The following TNRC6A variants were observed in gnomAD, a reference collection of about 807,000 sequenced individuals.
The protein encoded by TNRC6A is trinucleotide repeat containing adaptor 6A.
A neutral mutation model predicts 221.2 loss-of-function variants in TNRC6A; 44 were observed. The ratio of observed to expected loss-of-function variants is 0.20; its 90% CI spans 0.16 to 0.26. The LOEUF is 0.26. Ranked by LOEUF, TNRC6A falls within the 10% of genes least tolerant of loss-of-function variation. TNRC6A has a pLI of 1.00. For missense variants in TNRC6A, 2,199 were observed against 2,404.4 expected (o/e 0.91, Z 1.79); for synonymous variants, 847 against 838.5 (o/e 1.01, Z -0.18).
chr16:24,781,043 CTTTTTTTTTT>C lies in TNRC6A; in HGVS notation c.589+3701_589+3710del, dbSNP rs35502747. 6.0e-4 allele frequency among the ~76,000 whole-genome samples: 32 copies of C among 53,432 alleles called. No homozygotes were observed. In the South Asian group the frequency reaches 8.3e-3, roughly 14 times the overall value. The allele number at this position is 53,432 out of a possible 152,430, so 35.1% of individuals were successfully genotyped here. ...AAAAATTTTCTTAAGCCTCCATACT[CTTTTTTTTTT>C]TTTTTTTTTTTTTTTGGAGGAGACA... On this transcript the variant is annotated intron_variant, in intron 5 of 24. Transcript: ENST00000395799.
At position 24,824,804 on chromosome 16, in the gene TNRC6A, G is replaced by A. The variant is rs571483770; in HGVS notation, c.*997G>A. 6.7e-6 allele frequency: 1 copy of A among 149,846 alleles called. No homozygotes were observed. The highest frequency in any genetic ancestry group is 2.5e-5 in the African/African-American group (1 of 40,714). 9.3% of individuals were successfully genotyped at this position (149,846 alleles called of 1,614,324 possible). A position where few individuals can be genotyped will look rare whatever the true frequency, so the allele number is the denominator to read the frequency against. On this transcript the variant is annotated 3_prime_UTR_variant, in exon 25 of 25. Coordinates refer to ENST00000395799, the MANE Select transcript of TNRC6A (RefSeq NM_014494.4). ...AAAAAAAATTCCTTGTAGTTTCTTA[G>A]AGGAAAAAAAGAAAAACCCCAACTT... is the stretch of plus-strand genomic sequence containing the variant.
Position 24,815,804 on chromosome 16 carries a change from A to G in TNRC6A, c.4831+499A>G, listed in dbSNP as rs9936281. ...GGAGGCAGAGCTTGCAGTGAGCCGA[A>G]ATTGCGCCACTGCACTCCAGCCTGG... is the stretch of plus-strand genomic sequence containing the variant. On this transcript the variant is annotated intron_variant, in intron 19 of 24. Coordinates refer to ENST00000395799, the MANE Select transcript of TNRC6A (RefSeq NM_014494.4). The G allele has an allele frequency of 4.6e-3, 765 of 165,272 alleles. 36 individuals carry two copies. In the East Asian group the frequency reaches 0.11, roughly 23 times the overall value. 10.2% of individuals were successfully genotyped at this position (165,272 alleles called of 1,614,324 possible). A position where few individuals can be genotyped will look rare whatever the true frequency, so the allele number is the denominator to read the frequency against.
At chr16:24,654,704 G>A (rs1361946302) in intron 2 of TNRC6A, among the ~76,000 whole-genome samples, 1 of 151,642 alleles carries the variant, frequency 6.6e-6, no homozygotes, top group Non-Finnish European at 1.5e-5. Flanking sequence ...GGGTGACAGA[G>A]TGAGACTTCT....
intron 18 of TNRC6A, among the ~76,000 whole-genome samples, chr16:24,809,762 T>A (rs1356870430): frequency 6.6e-6 from 1 of 152,224 alleles, no homozygotes; most frequent in Non-Finnish European, 1.5e-5. Flanking sequence ...AGTGATTTTA[T>A]TCTTATATTA....
chr16:24,813,047 TTGTA>T (rs2152054379), intron 18 of TNRC6A, among the ~76,000 whole-genome samples: 1 of 152,062 alleles, frequency 6.6e-6, no homozygotes, highest in South Asian at 2.1e-4. Flanking sequence ...GGCTAGTTTT[TTGTA>T]TTTTTATTAG....
At chr16:24,800,369 A>G (rs568566524) in intron 11 of TNRC6A, among the ~76,000 whole-genome samples, 1 of 152,290 alleles carries the variant, frequency 6.6e-6, no homozygotes, top group African/African-American at 2.4e-5. Context: ...TAGTAAGCCT[A>G]TTAATTTGGT....
rs951287155 is a variant in TNRC6A, at chr16:24,696,231, C to T, written n.403-54495C>T. On this transcript the variant is annotated intron_variant and non_coding_transcript_variant, in intron 2 of 2. Coordinates refer to the TNRC6A transcript ENST00000566108. ...GGCGTGGTGGCGGGCGCCTGTAGTC[C>T]CAGCTACTCGGGAGGCTGAGGCAGG... Among the ~76,000 whole-genome samples, 3 of 151,722 alleles carry T rather than the reference C, an allele frequency of 2.0e-5. No individual in the cohort carries two copies. In the East Asian group the frequency reaches 5.9e-4, roughly 30 times the overall value.
chr16:24,776,910 C>A, intron 4 of TNRC6A, 23 bp from the exon 5 acceptor site: 1 of 1,595,034 alleles, frequency 6.3e-7, no homozygotes, highest in Non-Finnish European at 8.6e-7. Flanking sequence ...TCTTTTCCAC[C>A]CCTTTTCTTT....
intron 4 of TNRC6A, among the ~76,000 whole-genome samples, chr16:24,771,243 A>G (rs1249818613): frequency 6.6e-6 from 1 of 152,260 alleles, no homozygotes; most frequent in Non-Finnish European, 1.5e-5. Context: ...TACAACACAC[A>G]TAAACGAAAC....
At position 24,791,734 on chromosome 16, in the gene TNRC6A, G is replaced by T. The variant is rs1369450894; in HGVS notation, c.3092G>T (p.Ser1031Ile). ...MWNKNVPNGN[S>I]RSDQQAQVHQ... is the part of the protein sequence containing the mutation. ...AACAAAAACGTCCCAAATGGCAACA[G>T]CCGTTCAGACCAGCAAGCACAGGTA... The change falls in exon 6 of 25, where the codon AGC (serine) becomes ATC (isoleucine). Residue 1031 changes from serine (S) to isoleucine (I), a missense_variant. Physicochemically the swap from Ser to Ile is moderately radical, Grantham distance 142. Transcript: ENST00000395799. 6.2e-7 allele frequency: 1 copy of T among 1,613,222 alleles called. No individual in the cohort carries two copies. Among genetic ancestry groups the T allele is most frequent in the South Asian group, 1.1e-5 (1 of 90,848 alleles).
At chr16:24,679,637 T>A (rs1176226116) in intron 2 of TNRC6A, among the ~76,000 whole-genome samples, 1 of 152,004 alleles carries the variant, frequency 6.6e-6, no homozygotes, top group Non-Finnish European at 1.5e-5. Context: ...CTGCCACATC[T>A]GGCTAATTTT....
At chr16:24,624,128 C>T (rs1900833305) in intron 1 of TNRC6A, among the ~76,000 whole-genome samples, 1 of 152,106 alleles carries the variant, frequency 6.6e-6, no homozygotes, top group East Asian at 1.9e-4. Context: ...TGGGACAACT[C>T]GGGGTAAGTC....
intron 2 of TNRC6A, among the ~76,000 whole-genome samples, chr16:24,716,209 C>T (rs184842029): frequency 6.6e-6 from 1 of 152,232 alleles, no homozygotes; most frequent in Admixed American, 6.5e-5. Flanking sequence ...CATTTCTTTC[C>T]CATCTCTTGG....
In TNRC6A at chr16:24,789,506, A is replaced by T. The variant is rs1567476008; in HGVS notation, c.864A>T (p.Gly288=). ...GEKDGLRNST[G]LGSQNKFVVG... ...AAGATGGCCTTCGGAATAGCACTGG[A>T]CTTGGTTCCCAAAACAAGTTTGTAG... is the stretch of plus-strand genomic sequence containing the variant. The change falls in exon 6 of 25, where the codon GGA becomes GGT. Residue 288 remains glycine, a synonymous_variant. Coordinates refer to ENST00000395799, the MANE Select transcript of TNRC6A (RefSeq NM_014494.4). 3.7e-6 allele frequency: 6 copies of T among 1,614,200 alleles called. No individual in the cohort carries two copies. Among genetic ancestry groups the T allele is most frequent in the Non-Finnish European group, 5.1e-6 (6 of 1,180,040 alleles).
chr16:24,675,704 A>G (rs11074646), intron 2 of TNRC6A, among the ~76,000 whole-genome samples: 5 of 32,354 alleles, frequency 1.5e-4, no homozygotes, highest in African/African-American at 6.7e-4. Context: ...CTCTCTCTCT[A>G]TATATATATA....
rs2058632323 is a variant in TNRC6A, at chr16:24,815,250, T to C, written c.4776T>C (p.Asp1592=). ...CCAGTCCTCCAGGTTCAATAGGAGATGGCTGGCCACGTGCCAAATCGCCTA... is the reference window on the plus strand; with the variant it reads ...CCAGTCCTCCAGGTTCAATAGGAGACGGCTGGCCACGTGCCAAATCGCCTA... ...SPASPPGSIG[D]GWPRAKSPNG... The change falls in exon 19 of 25, where the codon GAT becomes GAC. Residue 1592 remains aspartate, a synonymous_variant. Transcript: ENST00000395799. The C allele has an allele frequency of 6.2e-7, 1 of 1,614,140 alleles. No homozygotes were observed. The highest frequency in any genetic ancestry group is 2.2e-5 in the East Asian group (1 of 44,896).
At chr16:24,668,047 G>T (rs1197006327) in intron 2 of TNRC6A, among the ~76,000 whole-genome samples, 1 of 151,844 alleles carries the variant, frequency 6.6e-6, no homozygotes, top group Non-Finnish European at 1.5e-5. Flanking sequence ...ATATATATAG[G>T]CTGGGTATGG....
At chr16:24,810,024 G>C (rs1285519556) in intron 18 of TNRC6A, among the ~76,000 whole-genome samples, 1 of 152,166 alleles carries the variant, frequency 6.6e-6, no homozygotes, top group East Asian at 1.9e-4. Context: ...TGCTGGCCAG[G>C]CTGGTCTCAA....
chr16:24,780,646 A>C (rs1294276251), intron 5 of TNRC6A, among the ~76,000 whole-genome samples: 1 of 152,218 alleles, frequency 6.6e-6, no homozygotes, highest in Admixed American at 6.5e-5. Flanking sequence ...GGCGAAGGAA[A>C]GAGAGAGAAT....
Sources: gnomAD v4.1 joint callset for allele counts (sites outside exome capture counted in the v4.1 genomes callset) on GRCh38, gnomAD v4.1.1 for gene constraint, MANE v1.5 for transcripts, NCBI Gene and HGNC (gene_info 2026-07-23, HGNC 2026-07-21) for gene names.